SYT1: variants seen among roughly 807,000 people sequenced by gnomAD.
SYT1 encodes synaptotagmin 1.
SYT1 carries 8 observed loss-of-function variants against 44.8 expected under a neutral mutation model. The observed-to-expected ratio is 0.18, with a 90% CI of 0.10 to 0.32. The LOEUF is 0.32. Ranked by LOEUF, SYT1 falls within the 10% of genes least tolerant of loss-of-function variation. The pLI, the probability that SYT1 is intolerant of heterozygous loss-of-function variation, is 1.00. For synonymous variants in SYT1, 154 were observed against 188.8 expected (o/e 0.82, Z 1.51); for missense variants, 286 against 509.3 (o/e 0.56, Z 4.22).
At chr12:78,942,069 T>A (rs1416460412) in intron 1 of SYT1, among the ~76,000 whole-genome samples, 2 of 152,222 alleles carry the variant, frequency 1.3e-5, no homozygotes, top group Non-Finnish European at 2.9e-5. Context: ...CCCTTCAATA[T>A]GCCAACCTCC....
At chr12:79,124,205 G>A (rs1203589133) in intron 3 of SYT1, among the ~76,000 whole-genome samples, 2 of 152,154 alleles carry the variant, frequency 1.3e-5, no homozygotes, top group African/African-American at 4.8e-5. Flanking sequence ...CCAGAAGTAG[G>A]TTGCCTTTCA....
chr12:78,967,730 T>C (rs1252470421), intron 1 of SYT1, among the ~76,000 whole-genome samples: 2 of 152,008 alleles, frequency 1.3e-5, no homozygotes, highest in African/African-American at 2.4e-5. Flanking sequence ...GCAGCAAAGA[T>C]ATACAGCATA....
chr12:79,402,645 G>A (rs952774197), intron 9 of SYT1, among the ~76,000 whole-genome samples: 1 of 152,188 alleles, frequency 6.6e-6, no homozygotes, highest in African/African-American at 2.4e-5. Context: ...CAGTAAAGCT[G>A]AGGACTGCTC....
chr12:79,153,239 T>C (rs1264637611), intron 3 of SYT1, among the ~76,000 whole-genome samples: 1 of 152,132 alleles, frequency 6.6e-6, no homozygotes, highest in African/African-American at 2.4e-5. Flanking sequence ...AATAAAAACC[T>C]TAAATTTAAT....
At chr12:79,364,121 T>C (rs1293249171) in intron 9 of SYT1, among the ~76,000 whole-genome samples, 1 of 152,320 alleles carries the variant, frequency 6.6e-6, no homozygotes, top group Non-Finnish European at 1.5e-5. Flanking sequence ...CCTATTATAA[T>C]AGAAATATCG....
chr12:79,109,672 T>C (rs1194207281), intron 3 of SYT1, among the ~76,000 whole-genome samples: 1 of 152,218 alleles, frequency 6.6e-6, no homozygotes, highest in Admixed American at 6.5e-5. Flanking sequence ...TTCTTTAAAG[T>C]ATCTTTCTTA....
intron 8 of SYT1, among the ~76,000 whole-genome samples, chr12:79,323,098 G>A (rs1362788595): frequency 1.3e-5 from 2 of 151,462 alleles, no homozygotes; most frequent in East Asian, 3.9e-4. Flanking sequence ...TCTAAATCAA[G>A]CCTTACATGC....
chr12:79,178,481 A>G (rs966233762), intron 3 of SYT1, among the ~76,000 whole-genome samples: 2 of 152,128 alleles, frequency 1.3e-5, no homozygotes, highest in Admixed American at 1.3e-4. Context: ...AAGGTATTCT[A>G]GGCCCACTTT....
Position 79,084,497 on chromosome 12 carries a change from TA to T in SYT1, c.-18+37138del, listed in dbSNP as rs1877249330. ...ACTCCAAGAGGCTCAGTGCTTTGCCTAAATCTGAGGTCCAGATTAAAGTCCA... is the reference window on the plus strand; with the variant it reads ...ACTCCAAGAGGCTCAGTGCTTTGCCTAATCTGAGGTCCAGATTAAAGTCCA... On this transcript the variant is annotated intron_variant, in intron 3 of 10. Coordinates refer to ENST00000261205, the MANE Select transcript of SYT1 (RefSeq NM_005639.3). 2.0e-5 allele frequency among the ~76,000 whole-genome samples: 3 copies of T among 152,234 alleles called. No homozygotes were observed. The South Asian group carries it at 6.2e-4, about 32-fold the overall frequency.
chr12:79,341,346 T>C (rs1409539507), intron 8 of SYT1: 2 of 152,156 alleles, frequency 1.3e-5, no homozygotes, highest in Non-Finnish European at 2.9e-5. Context: ...AAGGATCCTG[T>C]CTCACTGAAC....
At chr12:79,139,645 C>A (rs1462326053) in intron 3 of SYT1, among the ~76,000 whole-genome samples, 1 of 152,084 alleles carries the variant, frequency 6.6e-6, no homozygotes, top group East Asian at 1.9e-4. Flanking sequence ...TTCTATAATA[C>A]CTATTCCCAA....
chr12:78,997,361 CA>C (rs536048513), intron 2 of SYT1, among the ~76,000 whole-genome samples: 120 of 152,202 alleles, frequency 7.9e-4, no homozygotes, highest in Non-Finnish European at 1.5e-3. Flanking sequence ...GAAAGGTCAC[CA>C]AAATATAGGG....
rs373536498 is a variant in SYT1 at position 79,021,915 on chromosome 12, A to G, written c.-83-25382A>G. 5.3e-5 allele frequency among the ~76,000 whole-genome samples: 8 copies of G among 151,690 alleles called. No homozygotes were observed. The South Asian group carries it at 1.7e-3, about 31-fold the overall frequency. On this transcript the variant is annotated intron_variant, in intron 2 of 10. Coordinates refer to ENST00000261205, the MANE Select transcript of SYT1 (RefSeq NM_005639.3). ...TGTACGCCCCCTTTTTTTTGAAAGC[A>G]TCTTCAAATCTATTATTTTTGTCTT... is the stretch of plus-strand genomic sequence containing the variant.
At chr12:78,908,898 T>C (rs1158452480) in intron 1 of SYT1, among the ~76,000 whole-genome samples, 1 of 151,978 alleles carries the variant, frequency 6.6e-6, no homozygotes, top group African/African-American at 2.4e-5. Flanking sequence ...ATCTCTATTA[T>C]ATGTTTCATA....
intron 1 of SYT1, among the ~76,000 whole-genome samples, chr12:78,896,026 G>A (rs1302632494): frequency 1.3e-5 from 2 of 151,716 alleles, no homozygotes; most frequent in Non-Finnish European, 1.5e-5. Context: ...TTAAAGCTGG[G>A]TGGTGCATAG....
At chr12:78,945,132 G>A (rs1163128882) in intron 1 of SYT1, among the ~76,000 whole-genome samples, 5 of 152,102 alleles carry the variant, frequency 3.3e-5, no homozygotes, top group Admixed American at 6.5e-5. Context: ...GTAGCCACAG[G>A]TGTGTATAGA....
At chr12:79,122,977 G>C (rs574412931) in intron 3 of SYT1, among the ~76,000 whole-genome samples, 3 of 152,206 alleles carry the variant, frequency 2.0e-5, no homozygotes, top group Non-Finnish European at 4.4e-5. Context: ...GAATGATAAT[G>C]AGAAGAGAGC....
chr12:79,428,106 G>T (rs1417969801), intron 9 of SYT1, among the ~76,000 whole-genome samples: 1 of 152,142 alleles, frequency 6.6e-6, no homozygotes, highest in Non-Finnish European at 1.5e-5. Flanking sequence ...TAAAATGGAG[G>T]TCATAGTACC....
chr12:78,964,984 A>T (rs1879696633), intron 1 of SYT1, among the ~76,000 whole-genome samples: 1 of 152,006 alleles, frequency 6.6e-6, no homozygotes, highest in African/African-American at 2.4e-5. Context: ...ATTATTAACT[A>T]TTATTAATGC....
Sources: gnomAD v4.1 joint callset for allele counts (sites outside exome capture counted in the v4.1 genomes callset) on GRCh38, gnomAD v4.1.1 for gene constraint, MANE v1.5 for transcripts, NCBI Gene and HGNC (gene_info 2026-07-23, HGNC 2026-07-21) for gene names.